ITGA8: variants seen among roughly 807,000 people sequenced by gnomAD.
ITGA8 encodes integrin alpha-8.
Under a neutral mutation model 142.3 loss-of-function variants are expected in ITGA8, and 91 were observed. The ratio of observed to expected loss-of-function variants is 0.64; its 90% CI spans 0.54 to 0.76. The LOEUF is 0.76. ITGA8 is among the 30% of genes least tolerant of loss of function. The pLI is 0.00. For synonymous variants in ITGA8, 505 were observed against 485.2 expected (o/e 1.04, Z -0.54); for missense variants, 1,406 against 1,327.7 (o/e 1.06, Z -0.92).
At position 15,667,782 on chromosome 10, in the gene ITGA8, TA is replaced by T. The variant is rs1458485801; in HGVS notation, c.847+3820del. ...TGCCTTCATTTCGTTGTGTACCCAG[TA>T]GTCATTCAGGAGCAGGTTGTTCAGT... On this transcript the variant is annotated intron_variant, in intron 8 of 29. Transcript: ENST00000378076. 7.2e-5 allele frequency among the ~76,000 whole-genome samples: 11 copies of T among 152,234 alleles called. No individual in the cohort carries two copies. In the East Asian group the frequency reaches 2.1e-3, roughly 29 times the overall value.
At chr10:15,584,745 T>C (rs1412668338) in intron 23 of ITGA8, among the ~76,000 whole-genome samples, 3 of 152,038 alleles carry the variant, frequency 2.0e-5, no homozygotes, top group Non-Finnish European at 4.4e-5. Context: ...CAGAGTAGAA[T>C]AGATAAATAA....
At chr10:15,688,701 A>C (rs1834878259) in intron 2 of ITGA8, among the ~76,000 whole-genome samples, 1 of 152,258 alleles carries the variant, frequency 6.6e-6, no homozygotes, top group African/African-American at 2.4e-5. Flanking sequence ...CAACATAGCA[A>C]ATCAATACAC....
intron 3 of ITGA8, 62 bp from the exon 4 acceptor site, chr10:15,684,189 A>G (rs1834794794): frequency 6.5e-7 from 1 of 1,528,152 alleles, no homozygotes; most frequent in Non-Finnish European, 8.9e-7. Flanking sequence ...CTACAGTTTT[A>G]TTTGAATTAT....
Position 15,684,034 on chromosome 10 carries a change from C to A in ITGA8, c.538G>T (p.Ala180Ser), listed in dbSNP as rs755500317. 1.3e-5 allele frequency: 21 copies of A among 1,614,014 alleles called. No homozygotes were observed. In the South Asian group the frequency reaches 1.9e-4, roughly 14 times the overall value. Residue 180 changes from alanine (A) to serine (S), a missense_variant, in exon 4 of 30, where the codon GCC becomes TCC. Coordinates refer to ENST00000378076, the MANE Select transcript of ITGA8 (RefSeq NM_003638.3). ...TCYVAIQNFS[A>S]YAEFSPCRNS... ...CGGCAAGGAGAGAACTCGGCATAGG[C>A]GCTGAAGTTCTGAATTGCTACATAG...
chr10:15,549,552 T>C (rs1413891438), intron 26 of ITGA8, among the ~76,000 whole-genome samples: 2 of 152,158 alleles, frequency 1.3e-5, no homozygotes, highest in Non-Finnish European at 2.9e-5. Flanking sequence ...TGGAAATAAA[T>C]GAACACATCA....
rs1350846530 is a variant in ITGA8 at position 15,686,927 on chromosome 10, C to T, written c.444+1011G>A. Among the ~76,000 whole-genome samples the T allele has an allele frequency of 2.0e-5, 3 of 152,076 alleles. No individual in the cohort carries two copies. The East Asian group carries it at 5.8e-4, about 29-fold the overall frequency. On this transcript the variant is annotated intron_variant, in intron 3 of 29. Coordinates refer to ENST00000378076, the MANE Select transcript of ITGA8 (RefSeq NM_003638.3). ...TTCAAGACACACAAAAAAATCAAAACAGTATCCAAAAGATTTTTAAAGCCC... is the reference window on the plus strand; with the variant it reads ...TTCAAGACACACAAAAAAATCAAAATAGTATCCAAAAGATTTTTAAAGCCC...
chr10:15,652,347 TG>T (rs757981031), intron 11 of ITGA8, among the ~76,000 whole-genome samples: 7 of 151,966 alleles, frequency 4.6e-5, no homozygotes, highest in Non-Finnish European at 8.8e-5. Flanking sequence ...AGAGAACACA[TG>T]GAATGAATCC....
intron 25 of ITGA8, among the ~76,000 whole-genome samples, chr10:15,566,834 C>T (rs545607478): frequency 4.7e-4 from 66 of 141,796 alleles, no homozygotes; most frequent in Admixed American, 9.0e-4. Context: ...AAAAAGAGGC[C>T]GGGTGCAGTG....
At chr10:15,701,522 G>A (rs901926376) in intron 2 of ITGA8, among the ~76,000 whole-genome samples, 1 of 152,030 alleles carries the variant, frequency 6.6e-6, no homozygotes. Flanking sequence ...GCATTTCAGA[G>A]CAGGAGTGAG....
intron 25 of ITGA8, among the ~76,000 whole-genome samples, chr10:15,571,787 C>T (rs1834187857): frequency 6.6e-6 from 1 of 152,186 alleles, no homozygotes; most frequent in South Asian, 2.1e-4. Flanking sequence ...CCACGGTTCA[C>T]CACTTGCTAT....
chr10:15,662,632 C>T (rs1834311387), intron 8 of ITGA8, among the ~76,000 whole-genome samples: 1 of 152,126 alleles, frequency 6.6e-6, no homozygotes, highest in Non-Finnish European at 1.5e-5. Context: ...AGCCACTGTA[C>T]ATGGCCAGAA....
At chr10:15,673,675 A>C (rs1834572523) in intron 6 of ITGA8, among the ~76,000 whole-genome samples, 1 of 152,188 alleles carries the variant, frequency 6.6e-6, no homozygotes, top group African/African-American at 2.4e-5. Flanking sequence ...GGAATTGTAA[A>C]CTCTTTGAGC....
chr10:15,604,146 A>G, intron 20 of ITGA8, 62 bp downstream of exon 20: 1 of 1,474,518 alleles, frequency 6.8e-7, no homozygotes, highest in Non-Finnish European at 9.3e-7. Context: ...GGCCCTTCTT[A>G]ACATTTACTT....
intron 13 of ITGA8, among the ~76,000 whole-genome samples, chr10:15,620,816 C>T (rs1032533008): frequency 2.6e-5 from 4 of 152,076 alleles, no homozygotes; most frequent in African/African-American, 9.7e-5. Flanking sequence ...GTGTATGCAG[C>T]GTATCTGTTA....
At chr10:15,660,648 T>A (rs928730984) in intron 9 of ITGA8, among the ~76,000 whole-genome samples, 2 of 152,202 alleles carry the variant, frequency 1.3e-5, no homozygotes, top group African/African-American at 4.8e-5. Flanking sequence ...ACTTGAGATA[T>A]GAACACTTCA....
intron 2 of ITGA8, among the ~76,000 whole-genome samples, chr10:15,704,023 TA>T (rs1377214600): frequency 2.6e-5 from 4 of 152,202 alleles, no homozygotes; most frequent in Non-Finnish European, 5.9e-5. Context: ...TCACTATTTT[TA>T]CCTAATATAA....
At chr10:15,688,323 A>AG (rs1554787831) in intron 2 of ITGA8, among the ~76,000 whole-genome samples, 1 of 147,684 alleles carries the variant, frequency 6.8e-6, no homozygotes, top group Non-Finnish European at 1.5e-5. Context: ...AAAAAAAAAA[A>AG]TGCTGGGCGT....
chr10:15,515,855 G>A lies in ITGA8; in HGVS notation c.*1303C>T, dbSNP rs1389537338. 6.6e-6 allele frequency: 1 copy of A among 151,962 alleles called. No homozygotes were observed. Among genetic ancestry groups the A allele is most frequent in the Non-Finnish European group, 1.5e-5 (1 of 67,988 alleles). 9.4% of individuals were successfully genotyped at this position (151,962 alleles called of 1,614,324 possible). A position where few individuals can be genotyped will look rare whatever the true frequency, so the allele number is the denominator to read the frequency against. ...TTGTGATGGTTAAATTCAAGATGATGGGAAAATAGCTTAAATAAAAGATTA... is the reference window on the plus strand; with the variant it reads ...TTGTGATGGTTAAATTCAAGATGATAGGAAAATAGCTTAAATAAAAGATTA... On this transcript the variant is annotated 3_prime_UTR_variant, in exon 30 of 30. Coordinates refer to ENST00000378076, the MANE Select transcript of ITGA8 (RefSeq NM_003638.3).
chr10:15,693,742 T>A (rs886878751), intron 2 of ITGA8, among the ~76,000 whole-genome samples: 8 of 152,214 alleles, frequency 5.3e-5, no homozygotes, highest in African/African-American at 1.7e-4. Flanking sequence ...TGAGAATATA[T>A]TCCCCTTCTC....
Sources: allele counts gnomAD v4.1 joint callset (sites outside exome capture counted in the v4.1 genomes callset), GRCh38; gene constraint gnomAD v4.1.1; transcripts MANE v1.5; gene names NCBI Gene and HGNC (gene_info 2026-07-23, HGNC 2026-07-21).